The following MRNIP variants were observed in gnomAD, a reference collection of about 807,000 sequenced individuals.
MRNIP encodes MRN complex-interacting protein.
MRNIP carries 30 observed loss-of-function variants against 29.8 expected under a neutral mutation model. The ratio of observed to expected loss-of-function variants is 1.01; its 90% CI spans 0.75 to 1.36. MRNIP has a LOEUF of 1.36. MRNIP is among the 40% of genes most tolerant of loss of function. MRNIP has a pLI of 0.00. For missense variants in MRNIP, 459 were observed against 423.5 expected, an observed-to-expected ratio of 1.08 and a Z score of -0.74; for synonymous variants, 201 against 164.1, an observed-to-expected ratio of 1.23 and a Z score of -1.72.
At chr5:179,857,723 C>G (rs997985210) in intron 1 of MRNIP, among the ~76,000 whole-genome samples, 1 of 152,126 alleles carries the variant, frequency 6.6e-6, no homozygotes, top group African/African-American at 2.4e-5. Flanking sequence ...TTAAACAAGT[C>G]TGATCCACGC....
At position 179,853,343 on chromosome 5, in the gene MRNIP, T is replaced by C. The variant is rs200458264; in HGVS notation, c.126+35A>G. The C allele has an allele frequency of 1.2e-5, 19 of 1,607,542 alleles. No homozygotes were observed. In the East Asian group the frequency reaches 2.2e-4, roughly 19 times the overall value. On this transcript the variant is annotated intron_variant, in intron 2 of 6. Coordinates refer to ENST00000292586, the MANE Select transcript of MRNIP (RefSeq NM_016175.4). ...TCCCTGGAAGGGCTCGCTGCAGGCC[T>C]GCGCCCCACTTGCTTTCTGTTTTGT...
rs1758838204 is a variant in MRNIP, at chr5:179,840,603, G to C, written c.537+269C>G. The C allele has an allele frequency of 5.3e-6, 3 of 570,776 alleles. No homozygotes were observed. The South Asian group carries it at 6.6e-5, about 13-fold the overall frequency. 35.4% of individuals were successfully genotyped at this position (570,776 alleles called of 1,614,324 possible). On this transcript the variant is annotated intron_variant, in intron 6 of 6. Coordinates refer to ENST00000292586, the MANE Select transcript of MRNIP (RefSeq NM_016175.4). ...GATGGCCCTGACCCATCGTCAGGTT[G>C]ACCTGCTGGCCAACCTCAGTTTCTC...
intron 2 of MRNIP, among the ~76,000 whole-genome samples, chr5:179,851,912 A>G (rs1759386362): frequency 6.7e-6 from 1 of 149,828 alleles, no homozygotes; most frequent in Non-Finnish European, 1.5e-5. Context: ...CAGGGGGCGG[A>G]GCTTGCAGTG....
rs1270874008 is a variant in MRNIP, at chr5:179,852,845, A to G, written c.126+533T>C. On this transcript the variant is annotated intron_variant, in intron 2 of 6. Coordinates refer to ENST00000292586, the MANE Select transcript of MRNIP (RefSeq NM_016175.4). ...ACGGATGGACTGAAAAGACGTACTG[A>G]ATGCCAGCTGCAAACAGCTGGATGA... 2.0e-5 allele frequency among the ~76,000 whole-genome samples: 3 copies of G among 152,168 alleles called. No individual in the cohort carries two copies. The East Asian group carries it at 5.8e-4, about 29-fold the overall frequency.
intron 2 of MRNIP, chr5:179,853,114 T>G: frequency 1.1e-6 from 1 of 898,532 alleles, no homozygotes; most frequent in African/African-American, 1.7e-5. Flanking sequence ...GACAATGGGC[T>G]TACTTTCCAC....
intron 1 of MRNIP, among the ~76,000 whole-genome samples, chr5:179,854,997 A>G (rs1463452177): frequency 2.0e-5 from 3 of 152,200 alleles, no homozygotes; most frequent in Non-Finnish European, 2.9e-5. Flanking sequence ...GAATTAGAAG[A>G]AAGTTGTAAG....
At chr5:179,846,369 C>T (rs1433160999) in intron 3 of MRNIP, among the ~76,000 whole-genome samples, 5 of 151,948 alleles carry the variant, frequency 3.3e-5, no homozygotes, top group South Asian at 2.1e-4. Flanking sequence ...CTGCAGCCTC[C>T]GCCTCCCAGA....
At chr5:179,846,947 C>T (rs1002396712) in intron 3 of MRNIP, 5 of 152,128 alleles carry the variant, frequency 3.3e-5, no homozygotes, top group African/African-American at 4.8e-5. Flanking sequence ...CTCTCCCAGC[C>T]GTCGAAATGG....
Position 179,853,412 on chromosome 5 carries a change from C to A in MRNIP, c.92G>T (p.Cys31Phe), listed in dbSNP as rs1389513388. The change falls in exon 2 of 7, where the codon TGC (cysteine) becomes TTC (phenylalanine). Residue 31 changes from cysteine (C) to phenylalanine (F), a missense_variant. Physicochemically the swap from Cys to Phe is radical, Grantham distance 205. Coordinates refer to ENST00000292586, the MANE Select transcript of MRNIP (RefSeq NM_016175.4). ...GGACTGCTTCTCTCCACAAGCTTTG[C>A]ATGTCCACTTGACACTCTTTTTTAC... is the stretch of plus-strand genomic sequence containing the variant. ...HQVKKSVKWT[C>F]KACGEKQSFL... is the part of the protein sequence containing the mutation. 6.2e-7 allele frequency: 1 copy of A among 1,612,828 alleles called. No homozygotes were observed. The highest frequency in any genetic ancestry group is 2.2e-5 in the East Asian group (1 of 44,882).
At chr5:179,856,746 T>A (rs567199299) in intron 1 of MRNIP, among the ~76,000 whole-genome samples, 1 of 152,308 alleles carries the variant, frequency 6.6e-6, no homozygotes, top group South Asian at 2.1e-4. Context: ...GTGCTGAGAT[T>A]ATGGGCGTGA....
chr5:179,855,777 A>G (rs1226555434), intron 1 of MRNIP, among the ~76,000 whole-genome samples: 1 of 152,208 alleles, frequency 6.6e-6, no homozygotes, highest in Non-Finnish European at 1.5e-5. Flanking sequence ...AAGGATTCTA[A>G]GGAGGACAAT....
chr5:179,847,897 A>T (rs898256281), intron 3 of MRNIP, 81 bp downstream of exon 3: 10 of 965,770 alleles, frequency 1.0e-5, no homozygotes, highest in African/African-American at 1.6e-5. Flanking sequence ...TGCCCAGCTC[A>T]GGATTTCCAC....
In MRNIP at chr5:179,837,279, T is replaced by C. The variant is rs1758619396; in HGVS notation, c.*112A>G. 13 of 1,607,236 alleles carry C rather than the reference T, an allele frequency of 8.1e-6. No homozygotes were observed. Among genetic ancestry groups the C allele is most frequent in the East Asian group, 2.2e-5 (1 of 44,862 alleles). Reference sequence around the variant, plus strand: ...ATGACGTTTGCATAGAGAGAAATGATTGACAGTAAGTTTATTGTTAATGGT... The same window carrying C: ...ATGACGTTTGCATAGAGAGAAATGACTGACAGTAAGTTTATTGTTAATGGT... On this transcript the variant is annotated 3_prime_UTR_variant, in exon 7 of 7. Transcript: ENST00000292586.
chr5:179,855,130 TTTTTAATTTTAA>T (rs148297118), intron 1 of MRNIP, among the ~76,000 whole-genome samples: 1 of 151,942 alleles, frequency 6.6e-6, no homozygotes. Flanking sequence ...AAAAGCCAAT[TTTTTAATTTTAA>T]TTTTAATTTT....
chr5:179,846,464 G>GT (rs879463308), intron 3 of MRNIP, among the ~76,000 whole-genome samples: 8 of 151,888 alleles, frequency 5.3e-5, no homozygotes, highest in Non-Finnish European at 1.2e-4. Flanking sequence ...TGTATTTTTA[G>GT]TAGAGACGGG....
Position 179,853,408 on chromosome 5 carries a change from T to A in MRNIP, c.96A>T (p.Lys32Asn), listed in dbSNP as rs757650592. The change falls in exon 2 of 7, where the codon AAA becomes AAT. Residue 32 changes from lysine (K) to asparagine (N), a missense_variant. Lys to Asn is a moderately conservative substitution (Grantham distance 94). Coordinates refer to ENST00000292586, the MANE Select transcript of MRNIP (RefSeq NM_016175.4). ...AAAAGGACTGCTTCTCTCCACAAGCTTTGCATGTCCACTTGACACTCTTTT... is the reference window on the plus strand; with the variant it reads ...AAAAGGACTGCTTCTCTCCACAAGCATTGCATGTCCACTTGACACTCTTTT... ...QVKKSVKWTC[K>N]ACGEKQSFLQ... The A allele has an allele frequency of 6.2e-7, 1 of 1,613,024 alleles. No individual in the cohort carries two copies. The highest frequency in any genetic ancestry group is 8.5e-7 in the Non-Finnish European group (1 of 1,179,700).
intron 2 of MRNIP, among the ~76,000 whole-genome samples, chr5:179,850,613 G>A (rs1759328164): frequency 6.6e-6 from 1 of 152,208 alleles, no homozygotes; most frequent in Non-Finnish European, 1.5e-5. Flanking sequence ...TGGACACGTA[G>A]GGAGTGCAGT....
intron 3 of MRNIP, 119 bp from the exon 4 acceptor site, chr5:179,844,346 A>G (rs760262967): frequency 5.3e-6 from 4 of 759,014 alleles, no homozygotes; most frequent in Admixed American, 2.0e-5. Flanking sequence ...TGAGGTCAGG[A>G]GTTCGAGACA....
intron 2 of MRNIP, among the ~76,000 whole-genome samples, chr5:179,852,701 G>C (rs1354181993): frequency 4.6e-5 from 7 of 152,208 alleles, no homozygotes; most frequent in African/African-American, 1.4e-4. Flanking sequence ...GCTGTAGAAG[G>C]AGAGGAAAGA....
Sources: allele counts gnomAD v4.1 joint callset (sites outside exome capture counted in the v4.1 genomes callset), GRCh38; gene constraint gnomAD v4.1.1; transcripts MANE v1.5; gene names NCBI Gene and HGNC (gene_info 2026-07-23, HGNC 2026-07-21).